Variants in SIPA1 observed in about 807,000 individuals in gnomAD.
SIPA1 encodes signal-induced proliferation-associated protein 1.
A neutral mutation model predicts 88.1 loss-of-function variants in SIPA1; 51 were observed. The ratio of observed to expected loss-of-function variants is 0.58; its 90% confidence interval spans 0.46 to 0.73. The LOEUF (loss-of-function observed/expected upper bound fraction) is 0.73. SIPA1 is among the 30% of genes least tolerant of loss of function. The probability of loss-of-function intolerance (pLI) is 0.00; values close to 1 mark genes in which losing one functional copy is unlikely to be tolerated. For synonymous variants in SIPA1, 681 were observed against 664.8 expected (o/e 1.02, Z -0.37); for missense variants, 1,348 against 1,467.6 (o/e 0.92, Z 1.33).
At chr11:65,649,178 G>A (rs1233224445) in intron 9 of SIPA1, 84 bp from the exon 10 acceptor site, 2 of 1,003,474 alleles carry the variant, frequency 2.0e-6, no homozygotes, top group South Asian at 1.7e-5. Flanking sequence ...TCCTGGAAGT[G>A]AGCCTGGCGG....
rs1269250481 is a variant in SIPA1 at position 65,641,135 on chromosome 11, G to A, written c.214G>A (p.Ala72Thr). 1 of 1,603,704 alleles carries A rather than the reference G, an allele frequency of 6.2e-7. No individual in the cohort carries two copies. Among genetic ancestry groups the A allele is most frequent in the Non-Finnish European group, 8.5e-7 (1 of 1,179,444 alleles). Reference protein sequence around the residue: ...PPTPASPRARAHSHEEASRPA... With the variant: ...PPTPASPRARTHSHEEASRPA... ...CACGCCAGCCAGCCCCCGTGCCCGTGCCCACAGCCACGAAGAGGCCAGCCG... is the reference window on the plus strand; with the variant it reads ...CACGCCAGCCAGCCCCCGTGCCCGTACCCACAGCCACGAAGAGGCCAGCCG... Residue 72 changes from alanine (A) to threonine (T), a missense_variant, in exon 2 of 16, where the codon GCC becomes ACC. Ala to Thr is a moderately conservative substitution (Grantham distance 58). Around this residue, in one of 4 missense-constraint regions of SIPA1, gnomAD observed 641 missense variants for 797.7 expected, o/e 0.80. Coordinates refer to ENST00000534313, the MANE Select transcript of SIPA1 (RefSeq NM_006747.4).
chr11:65,647,461 C>A lies in SIPA1; in HGVS notation c.2109C>A (p.Asp703Glu). The A allele has an allele frequency of 6.8e-7, 1 of 1,480,394 alleles. No individual in the cohort carries two copies. 91.7% of individuals were successfully genotyped at this position (1,480,394 alleles called of 1,614,324 possible). A position where few individuals can be genotyped will look rare whatever the true frequency, so the allele number is the denominator to read the frequency against. The change falls in exon 9 of 16, where the codon GAC becomes GAA. Residue 703 changes from aspartate to glutamate, a missense_variant. Around this residue, in one of 4 missense-constraint regions of SIPA1, gnomAD observed 615 missense variants for 559.8 expected, o/e 1.10. Coordinates refer to ENST00000534313, the MANE Select transcript of SIPA1 (RefSeq NM_006747.4). ...AAGGCCGCCTGGGCTTCGAGGTGGA[C>A]GCCGAGGGATTCGTCACGCACGTGG... Reference protein sequence around the residue: ...DGQGRLGFEVDAEGFVTHVER... With the variant: ...DGQGRLGFEVEAEGFVTHVER...
Position 65,644,028 on chromosome 11 carries a change from A to G in SIPA1, c.985-927A>G, listed in dbSNP as rs139271734. On this transcript the variant is annotated intron_variant, in intron 4 of 15. Transcript: ENST00000534313. ...GTGAAGAGGAGGTGACAGTCCAGGA[A>G]GGACTGGGTAGTCATGTGGCTGACT... Among the ~76,000 whole-genome samples the G allele has an allele frequency of 3.3e-5, 5 of 152,116 alleles. No homozygotes were observed. In the East Asian group the frequency reaches 9.7e-4, roughly 29 times the overall value.
chr11:65,646,808 C>T lies in SIPA1; in HGVS notation c.1774C>T (p.Arg592Trp), dbSNP rs1856129260. The T allele has an allele frequency of 1.6e-6, 2 of 1,284,606 alleles. No individual in the cohort carries two copies. Among genetic ancestry groups the T allele is most frequent in the African/African-American group, 1.6e-5 (1 of 62,852 alleles). 79.6% of individuals were successfully genotyped at this position (1,284,606 alleles called of 1,614,324 possible). A position where few individuals can be genotyped will look rare whatever the true frequency, so the allele number is the denominator to read the frequency against. The part of the protein sequence containing the change: ...VWGVRAAPGA[R>W]VAAGAQASGP... ...GGGAGTGCGCGCGGCGCCCGGGGCG[C>T]GGGTCGCCGCCGGGGCTCAGGCGAG... The change falls in exon 8 of 16, where the codon CGG becomes TGG. Residue 592 changes from arginine (R) to tryptophan (W), a missense_variant. This residue lies in a region of SIPA1 where 68 missense variants were observed against 59.0 expected (regional missense o/e 1.15). Transcript: ENST00000534313. This position sits in a 1 kb window ranked among gnomAD's most constrained non-coding sequence, Gnocchi z 7.5.
rs1363521966 is a variant in SIPA1 at position 65,649,672 on chromosome 11, G to A, written c.2637G>A (p.Gln879=). The change falls in exon 11 of 16, where the codon CAG becomes CAA. Residue 879 remains glutamine, a splice_region_variant and synonymous_variant. Coordinates refer to ENST00000534313, the MANE Select transcript of SIPA1 (RefSeq NM_006747.4). ...CTGACAGTGAGACACCCCTGACCCAGGTGAGCAGAAACCAGGCTCTGGAGC... is the reference window on the plus strand; with the variant it reads ...CTGACAGTGAGACACCCCTGACCCAAGTGAGCAGAAACCAGGCTCTGGAGC... ...PSADSETPLT[Q]DRPGSPSGSE... The A allele has an allele frequency of 6.2e-7, 1 of 1,613,948 alleles. No homozygotes were observed. Among genetic ancestry groups the A allele is most frequent in the African/African-American group, 1.3e-5 (1 of 74,930 alleles).
rs957246246 is a variant in SIPA1, at chr11:65,642,709, C to G, written c.984+70C>G. ...GTCTGAACCCAGCCTGCCCAGCTCCCAAACCCCTAGCCTTGACCCTGATCC... is the reference window on the plus strand; with the variant it reads ...GTCTGAACCCAGCCTGCCCAGCTCCGAAACCCCTAGCCTTGACCCTGATCC... On this transcript the variant is annotated intron_variant, in intron 4 of 15. Coordinates refer to ENST00000534313, the MANE Select transcript of SIPA1 (RefSeq NM_006747.4). This position sits in a 1 kb window ranked among gnomAD's most constrained non-coding sequence, Gnocchi z 6.5. 1 of 1,382,628 alleles carries G rather than the reference C, an allele frequency of 7.2e-7. No homozygotes were observed. Among genetic ancestry groups the G allele is most frequent in the African/African-American group, 1.5e-5 (1 of 68,758 alleles). 85.6% of individuals were successfully genotyped at this position (1,382,628 alleles called of 1,614,324 possible).
intron 4 of SIPA1, among the ~76,000 whole-genome samples, chr11:65,644,550 C>A (rs1251386401): frequency 6.6e-6 from 1 of 150,512 alleles, no homozygotes; most frequent in Non-Finnish European, 1.5e-5. Context: ...CAGTTATCCG[C>A]AGAGGGAAGA....
At chr11:65,643,873 G>T (rs1441143109) in intron 4 of SIPA1, among the ~76,000 whole-genome samples, 1 of 152,182 alleles carries the variant, frequency 6.6e-6, no homozygotes, top group Non-Finnish European at 1.5e-5. Context: ...AGCCATGGAG[G>T]GATACGGTGC....
rs112814810 is a variant in SIPA1 at position 65,647,208 on chromosome 11, C to G, written c.2031+143C>G. ...GAGCCAGCCCCGGGGCTTGGCAAGG[C>G]CGGAACTGGTGCCCTCGGGTAAGCG... is the stretch of plus-strand genomic sequence containing the variant. On this transcript the variant is annotated intron_variant, in intron 8 of 15. Transcript: ENST00000534313. 118 of 1,401,578 alleles carry G rather than the reference C, an allele frequency of 8.4e-5. 2 individuals are homozygous for G. In the African/African-American group the frequency reaches 1.4e-3, roughly 17 times the overall value. The allele number at this position is 1,401,578 out of a possible 1,614,324, so 86.8% of individuals were successfully genotyped here.
At position 65,641,112 on chromosome 11, in the gene SIPA1, C is replaced by G; in HGVS notation, c.191C>G (p.Thr64Arg). The change falls in exon 2 of 16, where the codon ACG (threonine) becomes AGG (arginine). Residue 64 changes from threonine to arginine, a missense_variant. Thr to Arg is a moderately conservative substitution (Grantham distance 71, BLOSUM62 -1). Transcript: ENST00000534313. ...GATGCAGGCGAGGCCAGGCCCCCCA[C>G]GCCAGCCAGCCCCCGTGCCCGTGCC... ...GSDAGEARPPTPASPRARAHS... is the reference protein window; with the variant it reads ...GSDAGEARPPRPASPRARAHS... The G allele has an allele frequency of 6.2e-7, 1 of 1,601,156 alleles. No individual in the cohort carries two copies. Among genetic ancestry groups the G allele is most frequent in the Non-Finnish European group, 8.5e-7 (1 of 1,178,724 alleles).
rs139277070 is a variant in SIPA1 at position 65,650,188 on chromosome 11, G to T, written c.2899G>T (p.Ala967Ser). 1.2e-6 allele frequency: 2 copies of T among 1,614,092 alleles called. No homozygotes were observed. Among genetic ancestry groups the T allele is most frequent in the South Asian group, 2.2e-5 (2 of 91,082 alleles). ...CCCTAAGGGAACTCCAAAATCTGAT[G>T]CTGAGTAAGCTCCCCAACTCCCCAC... ...GDPKGTPKSD[A>S]EPEPGNLSEK... Residue 967 changes from alanine (A) to serine (S), a missense_variant, in exon 14 of 16, where the codon GCT (alanine) becomes TCT (serine). This residue lies in a region of SIPA1 where 615 missense variants were observed against 559.8 expected (regional missense o/e 1.10). Transcript: ENST00000534313.
At position 65,649,550 on chromosome 11, in the gene SIPA1, G is replaced by C; in HGVS notation, c.2526-11G>C. On this transcript the variant is annotated splice_polypyrimidine_tract_variant and intron_variant, in intron 10 of 15. Coordinates refer to ENST00000534313, the MANE Select transcript of SIPA1 (RefSeq NM_006747.4). Reference sequence around the variant, plus strand: ...CGGCTTCCCTTTCTGAGCCACCCCTGCTCTCCCCAGCTCTCTGTCGGATGA... The same window carrying C: ...CGGCTTCCCTTTCTGAGCCACCCCTCCTCTCCCCAGCTCTCTGTCGGATGA... 3.1e-6 allele frequency: 5 copies of C among 1,614,034 alleles called. No individual in the cohort carries two copies. Among genetic ancestry groups the C allele is most frequent in the Non-Finnish European group, 3.4e-6 (4 of 1,179,984 alleles).
chr11:65,647,313 G>C (rs1287358679), intron 8 of SIPA1, 71 bp from the exon 9 acceptor site: 7 of 1,368,832 alleles, frequency 5.1e-6, no homozygotes, highest in Middle Eastern at 2.7e-4. Flanking sequence ...CTGGGACGCA[G>C]TCCAGGGGGC....
rs1434882714 is a variant in SIPA1, at chr11:65,646,005, G to T, written c.1263+48G>T. 1 of 1,409,536 alleles carries T rather than the reference G, an allele frequency of 7.1e-7. No individual in the cohort carries two copies. Among genetic ancestry groups the T allele is most frequent in the East Asian group, 2.4e-5 (1 of 41,988 alleles). 87.3% of individuals were successfully genotyped at this position (1,409,536 alleles called of 1,614,324 possible). On this transcript the variant is annotated intron_variant, in intron 6 of 15. Coordinates refer to ENST00000534313, the MANE Select transcript of SIPA1 (RefSeq NM_006747.4). The surrounding 1 kb of genome is among the most constrained non-coding windows in gnomAD (Gnocchi z 7.5). ...GGTGGGGCTTCCGGGAACCATGGAG[G>T]GCCCTGCATGGCCCATGACGTTTGA...
chr11:65,647,677 CG>C lies in SIPA1; in HGVS notation c.2306+23del, dbSNP rs1336500805. 3 of 1,330,970 alleles carry C rather than the reference CG, an allele frequency of 2.3e-6. No homozygotes were observed. Among genetic ancestry groups the C allele is most frequent in the Non-Finnish European group, 2.9e-6 (3 of 1,043,504 alleles). The allele number at this position is 1,330,970 out of a possible 1,614,324, so 82.4% of individuals were successfully genotyped here. On this transcript the variant is annotated intron_variant, in intron 9 of 15. Coordinates refer to ENST00000534313, the MANE Select transcript of SIPA1 (RefSeq NM_006747.4). Reference sequence around the variant, plus strand: ...CCCGCAGGTCAGGGTGCCGGGGACGCGGGGAGGTGGGAGGGCCGGCAGTTGG... The same window carrying C: ...CCCGCAGGTCAGGGTGCCGGGGACGCGGGAGGTGGGAGGGCCGGCAGTTGG...
rs1856018577 is a variant in SIPA1 at position 65,642,223 on chromosome 11, A to G, written c.680-27A>G. 1 of 1,548,470 alleles carries G rather than the reference A, an allele frequency of 6.5e-7. No homozygotes were observed. Among genetic ancestry groups the G allele is most frequent in the Non-Finnish European group, 8.7e-7 (1 of 1,146,922 alleles). On this transcript the variant is annotated intron_variant, in intron 2 of 15. Transcript: ENST00000534313. The surrounding 1 kb of genome is among the most constrained non-coding windows in gnomAD (Gnocchi z 6.5). ...GCGGGGCTGCCAGAGGGCGGGACCAATCGTTTTCTTCGGCGCGGTCCCCCA... is the reference window on the plus strand; with the variant it reads ...GCGGGGCTGCCAGAGGGCGGGACCAGTCGTTTTCTTCGGCGCGGTCCCCCA...
chr11:65,644,385 T>C (rs1309692556), intron 4 of SIPA1, among the ~76,000 whole-genome samples: 1 of 141,204 alleles, frequency 7.1e-6, no homozygotes, highest in African/African-American at 2.7e-5. Context: ...GGGGACCATA[T>C]GGGGAGTGGG....
At chr11:65,647,313 G>A (rs1287358679) in intron 8 of SIPA1, 71 bp from the exon 9 acceptor site, 2 of 1,368,832 alleles carry the variant, frequency 1.5e-6, no homozygotes, top group African/African-American at 3.1e-5. Context: ...CTGGGACGCA[G>A]TCCAGGGGGC....
rs764461467 is a variant in SIPA1 at position 65,641,372 on chromosome 11, G to T, written c.451G>T (p.Asp151Tyr). 1.2e-6 allele frequency: 2 copies of T among 1,613,340 alleles called. No individual in the cohort carries two copies. The highest frequency in any genetic ancestry group is 1.7e-6 in the Non-Finnish European group (2 of 1,180,026). Residue 151 changes from aspartate (D) to tyrosine (Y), a missense_variant, in exon 2 of 16, where the codon GAC becomes TAC. Around this residue, in one of 4 missense-constraint regions of SIPA1, gnomAD observed 641 missense variants for 797.7 expected, o/e 0.80. Coordinates refer to ENST00000534313, the MANE Select transcript of SIPA1 (RefSeq NM_006747.4). ...ASSGTLASAE[D>Y]QAASSDLLHG... ...CTCTGGGACCCTGGCTTCAGCCGAG[G>T]ACCAGGCTGCCAGCTCGGACCTGCT...
Sources: allele counts gnomAD v4.1 joint callset (sites outside exome capture counted in the v4.1 genomes callset), GRCh38; gene constraint gnomAD v4.1.1; regional missense constraint gnomAD v4.1.1; non-coding constraint Gnocchi (gnomAD v3.1); transcripts MANE v1.5; gene names NCBI Gene and HGNC (gene_info 2026-07-23, HGNC 2026-07-21).